MAF: variants seen among roughly 807,000 people sequenced by gnomAD.
MAF encodes MAF bZIP transcription factor, also known as transcription factor Maf.
A neutral mutation model predicts 22.0 loss-of-function variants in MAF; 10 were observed. The observed-to-expected ratio is 0.45, with a 90% CI of 0.28 to 0.77. The LOEUF (loss-of-function observed/expected upper bound fraction) is 0.77. Among genes scored for constraint, MAF ranks in the 30% least tolerant of loss-of-function variants. MAF has a pLI of 0.12. For synonymous variants in MAF, 337 were observed against 255.8 expected (o/e 1.32, Z -3.03); for missense variants, 544 against 548.4 (o/e 0.99, Z 0.08).
At chr16:79,395,091 G>C in the MAF span, among the ~76,000 whole-genome samples, 17 of 152,334 alleles carry the variant, frequency 1.1e-4, no homozygotes, top group Admixed American at 1.0e-3. Context: ...CCCAGGCGGA[G>C]AGAACGCAAG....
the MAF span, among the ~76,000 whole-genome samples, chr16:79,390,698 A>G: frequency 7.9e-5 from 12 of 152,214 alleles, no homozygotes; most frequent in Non-Finnish European, 7.3e-5. Context: ...GGAACTGGGA[A>G]CCAGAAACTA....
At chr16:79,377,079 G>A in the MAF span, among the ~76,000 whole-genome samples, 1 of 152,126 alleles carries the variant, frequency 6.6e-6, no homozygotes, top group Non-Finnish European at 1.5e-5. Flanking sequence ...TCTAGTTCTA[G>A]ATCCCTGAGG....
At chr16:79,372,063 G>C in the MAF span, among the ~76,000 whole-genome samples, 1 of 142,548 alleles carries the variant, frequency 7.0e-6, no homozygotes, top group Non-Finnish European at 1.5e-5. Context: ...AAAAGGGAGA[G>C]GAATTTTTTT....
the MAF span, among the ~76,000 whole-genome samples, chr16:79,575,537 G>C: frequency 6.6e-6 from 1 of 152,162 alleles, no homozygotes; most frequent in South Asian, 2.1e-4. Flanking sequence ...AGAGACTCTA[G>C]CCAACCTCTG....
chr16:79,580,554 A>AG, the MAF span, among the ~76,000 whole-genome samples: 1 of 152,188 alleles, frequency 6.6e-6, no homozygotes, highest in Non-Finnish European at 1.5e-5. Flanking sequence ...ATGGGATGCC[A>AG]GGGGGCTTCG....
the MAF span, among the ~76,000 whole-genome samples, chr16:79,336,870 T>C: frequency 5.4e-3 from 821 of 152,322 alleles, 62 homozygotes; most frequent in East Asian, 0.13. Context: ...CTGGTTTGGA[T>C]TTATTTACAT....
the MAF span, among the ~76,000 whole-genome samples, chr16:79,274,254 C>CTT: frequency 1.2e-4 from 18 of 146,260 alleles, no homozygotes; most frequent in Admixed American, 8.8e-4. Flanking sequence ...TTTGCCCAGC[C>CTT]TTTTTTTTTT....
At chr16:79,470,775 AATGGGTGGATGG>A in the MAF span, among the ~76,000 whole-genome samples, 12 of 152,130 alleles carry the variant, frequency 7.9e-5, no homozygotes, top group Non-Finnish European at 1.8e-4. Flanking sequence ...GAATCTGTTG[AATGGGTGGATGG>A]ATGGGTGAAC....
At chr16:79,351,041 G>A in the MAF span, among the ~76,000 whole-genome samples, 4 of 152,192 alleles carry the variant, frequency 2.6e-5, no homozygotes, top group East Asian at 1.9e-4. Context: ...GCCACTTCCC[G>A]GGGAAGCCTG....
the MAF span, among the ~76,000 whole-genome samples, chr16:79,503,418 AG>A: frequency 1.3e-5 from 2 of 152,270 alleles, no homozygotes; most frequent in Non-Finnish European, 2.9e-5. Flanking sequence ...TAATTAAAAA[AG>A]TTTACTACAA....
chr16:79,278,647 G>C, the MAF span, among the ~76,000 whole-genome samples: 1 of 152,064 alleles, frequency 6.6e-6, no homozygotes, highest in African/African-American at 2.4e-5. Context: ...GCCTCCTTGA[G>C]TGCCGGGTTT....
the MAF span, among the ~76,000 whole-genome samples, chr16:79,396,654 A>C: frequency 6.6e-6 from 1 of 152,182 alleles, no homozygotes; most frequent in Non-Finnish European, 1.5e-5. Flanking sequence ...TTCCTTCATA[A>C]GGGGCAGAAG....
At chr16:79,532,220 A>G in the MAF span, among the ~76,000 whole-genome samples, 2,397 of 152,256 alleles carry the variant, frequency 0.016, 62 homozygotes, top group African/African-American at 0.055. Flanking sequence ...TGGAGTGTGG[A>G]GTAGAGACAT....
chr16:79,390,526 G>C, the MAF span, among the ~76,000 whole-genome samples: 1 of 152,142 alleles, frequency 6.6e-6, no homozygotes, highest in Admixed American at 6.5e-5. Flanking sequence ...AAAAATGTGA[G>C]TTATCTTTTT....
At chr16:79,351,916 C>T in the MAF span, among the ~76,000 whole-genome samples, 2 of 152,162 alleles carry the variant, frequency 1.3e-5, no homozygotes, top group East Asian at 3.9e-4. Context: ...GCAATGACAC[C>T]GAAAAAGCCA....
At chr16:79,507,037 A>G in the MAF span, among the ~76,000 whole-genome samples, 2 of 151,986 alleles carry the variant, frequency 1.3e-5, no homozygotes, top group African/African-American at 4.8e-5. Flanking sequence ...CTTTCTTCCT[A>G]TCTGTCAACC....
chr16:79,411,084 C>A, the MAF span, among the ~76,000 whole-genome samples: 1 of 152,138 alleles, frequency 6.6e-6, no homozygotes, highest in African/African-American at 2.4e-5. Context: ...TTTGATCTTG[C>A]CTTTATTCAC....
the MAF span, among the ~76,000 whole-genome samples, chr16:79,410,189 C>T: frequency 3.9e-5 from 6 of 152,210 alleles, no homozygotes; most frequent in Non-Finnish European, 8.8e-5. Flanking sequence ...TACCTCACTT[C>T]CGATTTCTGT....
the MAF span, among the ~76,000 whole-genome samples, chr16:79,342,675 G>A: frequency 6.6e-5 from 10 of 152,100 alleles, no homozygotes; most frequent in African/African-American, 2.4e-4. Context: ...ACAAAATTAA[G>A]ATCTGTTGAA....
Sources: gnomAD v4.1 joint callset for allele counts (sites outside exome capture counted in the v4.1 genomes callset) on GRCh38, gnomAD v4.1.1 for gene constraint, MANE v1.5 for transcripts, NCBI Gene and HGNC (gene_info 2026-07-23, HGNC 2026-07-21) for gene names.